Variants in FAM20C observed in about 807,000 individuals in gnomAD.
FAM20C encodes the protein FAM20C golgi associated secretory pathway kinase.
Under a neutral mutation model 51.5 loss-of-function variants are expected in FAM20C, and 40 were observed. The ratio of observed to expected loss-of-function variants is 0.78; its 90% CI spans 0.60 to 1.01. FAM20C has a LOEUF of 1.01. Among genes scored for constraint, FAM20C ranks in the 50% least tolerant of loss-of-function variants. The probability of loss-of-function intolerance (pLI) is 0.00; values close to 1 mark genes in which losing one functional copy is unlikely to be tolerated. For synonymous variants in FAM20C, 406 were observed against 380.6 expected (o/e 1.07, Z -0.78); for missense variants, 861 against 844.7 (o/e 1.02, Z -0.24).
intron 5 of FAM20C, among the ~76,000 whole-genome samples, chr7:252,247 GCCGGAGCCGAGGGCACA>G (rs1788428368): frequency 6.8e-6 from 1 of 148,078 alleles, no homozygotes; most frequent in African/African-American, 2.5e-5. Flanking sequence ...CGGAGGCCCT[GCCGGAGCCGAGGGCACA>G]TCAGAGGGCT....
At chr7:247,301 C>G (rs956341752) in intron 4 of FAM20C, among the ~76,000 whole-genome samples, 1 of 152,178 alleles carries the variant, frequency 6.6e-6, no homozygotes, top group Non-Finnish European at 1.5e-5. Context: ...CGGGCCTGGC[C>G]CAGGTCCAGA....
intron 5 of FAM20C, among the ~76,000 whole-genome samples, chr7:248,684 GGTAGCCTGGCACGGGGGC>G (rs1788276844): frequency 7.3e-6 from 1 of 137,218 alleles, no homozygotes; most frequent in Non-Finnish European, 1.6e-5. Flanking sequence ...CACCTCTCCA[GGTAGCCTGGCACGGGGGC>G]CCGCATTCAT....
At chr7:202,769 C>T (rs1039086180) in intron 2 of FAM20C, among the ~76,000 whole-genome samples, 1 of 149,496 alleles carries the variant, frequency 6.7e-6, no homozygotes, top group Non-Finnish European at 1.5e-5. Flanking sequence ...TTCCAGTGTG[C>T]ATAGAGAGAA....
At chr7:203,939 G>A (rs976366635) in intron 2 of FAM20C, among the ~76,000 whole-genome samples, 8 of 152,268 alleles carry the variant, frequency 5.3e-5, no homozygotes, top group East Asian at 1.9e-4. Flanking sequence ...GGCTTAATCC[G>A]GCTACTAATT....
intron 3 of FAM20C, among the ~76,000 whole-genome samples, chr7:218,669 T>A (rs1787114011): frequency 6.6e-6 from 1 of 152,172 alleles, no homozygotes; most frequent in Non-Finnish European, 1.5e-5. Context: ...GGCTGGTCAC[T>A]CCTCCATCCC....
chr7:198,479 TA>T (rs1347865372), intron 2 of FAM20C, among the ~76,000 whole-genome samples: 1 of 152,208 alleles, frequency 6.6e-6, no homozygotes, highest in Non-Finnish European at 1.5e-5. Context: ...GGGCAAAACC[TA>T]AATTGTCGAG....
intron 3 of FAM20C, 109 bp downstream of exon 3, chr7:209,085 A>C (rs1786583952): frequency 1.8e-6 from 2 of 1,128,276 alleles, no homozygotes; most frequent in Middle Eastern, 2.7e-4. Context: ...TGTTTTGGGG[A>C]GACTGTGGGT....
intron 3 of FAM20C, among the ~76,000 whole-genome samples, chr7:216,652 A>AGTGTGTGT (rs955778664): frequency 2.0e-4 from 21 of 105,440 alleles, no homozygotes; most frequent in African/African-American, 6.7e-4. Flanking sequence ...AGTGTGTGTG[A>AGTGTGTGT]GTGTGTGTGT....
rs28379391 is a variant in FAM20C, at chr7:207,189, T to C, written c.785-1709T>C. Among the ~76,000 whole-genome samples the C allele has an allele frequency of 7.1e-3, 79 of 11,158 alleles. 20 individuals are homozygous for C. Among genetic ancestry groups the C allele is most frequent in the Middle Eastern group, 0.077 (2 of 26 alleles). The allele number at this position is 11,158 out of a possible 152,430, so 7.3% of individuals were successfully genotyped here. The stretch of plus-strand genomic sequence containing the variant: ...ATCCACTGTGAGGCGTCGGTCACGG[T>C]CCCCTCGGCCCCGCACACGTATCCA... On this transcript the variant is annotated intron_variant, in intron 2 of 9. Coordinates refer to ENST00000313766, the MANE Select transcript of FAM20C (RefSeq NM_020223.4).
At chr7:225,684 C>T (rs536350638) in intron 3 of FAM20C, among the ~76,000 whole-genome samples, 44 of 16,158 alleles carry the variant, frequency 2.7e-3, no homozygotes, top group African/African-American at 0.011. Context: ...GTCACGGGGT[C>T]GCACGGCGGC....
At position 205,875 on chromosome 7, in the gene FAM20C, C is replaced by T. The variant is rs141883956; in HGVS notation, c.785-3023C>T. Among the ~76,000 whole-genome samples the T allele has an allele frequency of 9.1e-3, 1,393 of 152,278 alleles. 22 individuals carry two copies. Among genetic ancestry groups the T allele is most frequent in the African/African-American group, 0.032 (1,335 of 41,548 alleles). On this transcript the variant is annotated intron_variant, in intron 2 of 9. Coordinates refer to ENST00000313766, the MANE Select transcript of FAM20C (RefSeq NM_020223.4). ...CGCTGTCCTCACGCTGACCCTCCCT[C>T]CCAGCCAGCCGCCACCTGAGACCTC...
At chr7:207,373 T>TGAGGCGTCGGTCACGGC (rs1786472674) in intron 2 of FAM20C, among the ~76,000 whole-genome samples, 3 of 70,392 alleles carry the variant, frequency 4.3e-5, no homozygotes, top group East Asian at 8.8e-4. Flanking sequence ...TCGGTCACTG[T>TGAGGCGTCGGTCACGGC]CCCCTTGGCC....
At chr7:214,039 G>A (rs60510246) in intron 3 of FAM20C, among the ~76,000 whole-genome samples, 5,310 of 152,210 alleles carry the variant, frequency 0.035, 324 homozygotes, top group African/African-American at 0.12. Flanking sequence ...GTTTTAAGAC[G>A]TCTTGGCCAG....
chr7:232,291 T>C (rs1787723719), intron 3 of FAM20C, among the ~76,000 whole-genome samples: 1 of 152,202 alleles, frequency 6.6e-6, no homozygotes, highest in South Asian at 2.1e-4. Flanking sequence ...TGGCTACCTG[T>C]CTGTTCTCCC....
intron 2 of FAM20C, among the ~76,000 whole-genome samples, chr7:196,055 A>AT (rs1376601824): frequency 6.6e-6 from 1 of 152,190 alleles, no homozygotes; most frequent in East Asian, 1.9e-4. Context: ...GGGTAGAGGA[A>AT]TAGAGGGGTA....
intron 3 of FAM20C, among the ~76,000 whole-genome samples, chr7:234,857 G>A (rs1406581158): frequency 1.3e-5 from 2 of 152,216 alleles, no homozygotes; most frequent in Admixed American, 6.5e-5. Flanking sequence ...GATGAGTCCC[G>A]AGAAGCCCAC....
chr7:256,124 G>T lies in FAM20C; in HGVS notation c.1253+95G>T, dbSNP rs1788581881. The T allele has an allele frequency of 3.5e-6, 5 of 1,413,276 alleles. No individual in the cohort carries two copies. The South Asian group carries it at 5.4e-5, about 15-fold the overall frequency. 87.5% of individuals were successfully genotyped at this position (1,413,276 alleles called of 1,614,324 possible). A position where few individuals can be genotyped will look rare whatever the true frequency, so the allele number is the denominator to read the frequency against. Reference sequence around the variant, plus strand: ...GGGAGGGTCGGCGCCCACGGGGGTGGCAGAGATGGGTGCAGAGCCTGCTGT... The same window carrying T: ...GGGAGGGTCGGCGCCCACGGGGGTGTCAGAGATGGGTGCAGAGCCTGCTGT... On this transcript the variant is annotated intron_variant, in intron 6 of 9. Transcript: ENST00000313766.
rs868765647 is a variant in FAM20C at position 243,695 on chromosome 7, G to A, written c.864-2720G>A. Among the ~76,000 whole-genome samples, 3 of 38,164 alleles carry A rather than the reference G, an allele frequency of 7.9e-5. No individual in the cohort carries two copies. In the African/African-American group the frequency reaches 1.4e-3, roughly 18 times the overall value. 25.0% of individuals were successfully genotyped at this position (38,164 alleles called of 152,430 possible). On this transcript the variant is annotated intron_variant, in intron 3 of 9. Transcript: ENST00000313766. ...GCCACCCGGGAGACCTGTGCCACCC[G>A]GGAGACCTGTGCCACCCAAGAGACC...
chr7:216,695 G>GTGTA (rs1786997915), intron 3 of FAM20C, among the ~76,000 whole-genome samples: 1 of 140,860 alleles, frequency 7.1e-6, no homozygotes, highest in Admixed American at 7.2e-5. Context: ...GTGTGTGTGT[G>GTGTA]TGTGAGACAG....
Sources: gnomAD v4.1 joint callset for allele counts (sites outside exome capture counted in the v4.1 genomes callset) on GRCh38, gnomAD v4.1.1 for gene constraint, MANE v1.5 for transcripts, NCBI Gene and HGNC (gene_info 2026-07-23, HGNC 2026-07-21) for gene names.